The following FAT1 variants were observed in gnomAD, a reference collection of about 807,000 sequenced individuals.
The protein encoded by FAT1 is FAT atypical cadherin 1, also known as protocadherin Fat 1.
In FAT1, 171 loss-of-function variants were observed where a neutral mutation model predicts 329.8. The ratio of observed to expected loss-of-function variants is 0.52; its 90% CI spans 0.46 to 0.59. FAT1 has a LOEUF of 0.59. Among genes scored for constraint, FAT1 ranks in the 20% least tolerant of loss-of-function variants. The pLI is 0.00. For missense variants in FAT1, 5,672 were observed against 5,774.4 expected, an observed-to-expected ratio of 0.98 and a Z score of 0.57; for synonymous variants, 2,233 against 2,228.6, an observed-to-expected ratio of 1.00 and a Z score of -0.06.
chr4:186,620,246 C>T lies in FAT1; in HGVS notation c.6340G>A (p.Gly2114Arg), dbSNP rs750909160. ...TAVDRDSGRN[G>R]EVHYYLKEHH... is the part of the protein sequence containing the mutation. ...TCCTTGAGGTAGTAATGCACTTCCC[C>T]GTTTCTGCCACTGTCTCTGTCTACA... is the stretch of plus-strand genomic sequence containing the variant. The change falls in exon 10 of 27, where the codon GGG becomes AGG. Residue 2114 changes from glycine (G) to arginine (R), a missense_variant. Gly to Arg is a moderately radical substitution (Grantham distance 125). Around this residue, in one of 2 missense-constraint regions of FAT1, gnomAD observed 3,966 missense variants for 3,915.2 expected, o/e 1.01. Transcript: ENST00000441802. The T allele has an allele frequency of 2.4e-5, 38 of 1,613,878 alleles. 2 individuals are homozygous for T. The South Asian group carries it at 2.9e-4, about 12-fold the overall frequency.
chr4:186,724,054 G>C (rs1230117668), upstream of FAT1, among the ~76,000 whole-genome samples: 2 of 151,762 alleles, frequency 1.3e-5, no homozygotes, highest in Non-Finnish European at 1.5e-5. This position sits in a 1 kb window ranked among gnomAD's most constrained non-coding sequence, Gnocchi z 5.3. Flanking sequence ...AAGGCGCCCA[G>C]CGGGGTCTAG....
In FAT1 at chr4:186,600,346, C is replaced by T. The variant is rs753661905; in HGVS notation, c.11655G>A (p.Arg3885=). The stretch of plus-strand genomic sequence containing the variant: ...TTCCACAGTCAAACTTGTACTGCAG[C>T]CTTCCATGATGAATCTAGGATAAAA... ...DYSILEIHHG[R]LQYKFDCGSG... The change falls in exon 22 of 27, where the codon AGG becomes AGA. Residue 3885 remains arginine (R), a synonymous_variant. Coordinates refer to ENST00000441802, the MANE Select transcript of FAT1 (RefSeq NM_005245.4). The T allele has an allele frequency of 2.2e-5, 36 of 1,611,420 alleles. No individual in the cohort carries two copies. The highest frequency in any genetic ancestry group is 3.1e-5 in the Non-Finnish European group (36 of 1,178,634).
At chr4:186,608,944 C>A (rs1287663027) in intron 16 of FAT1, among the ~76,000 whole-genome samples, 2 of 152,336 alleles carry the variant, frequency 1.3e-5, no homozygotes, top group African/African-American at 4.8e-5. Context: ...AACACTGGAA[C>A]CAACAGTAAT....
chr4:186,709,047 T>G lies in FAT1; in HGVS notation c.781A>C (p.Thr261Pro), dbSNP rs1744806000. 6.2e-7 allele frequency: 1 copy of G among 1,613,904 alleles called. No individual in the cohort carries two copies. The highest frequency in any genetic ancestry group is 1.7e-5 in the Admixed American group (1 of 60,004). The stretch of plus-strand genomic sequence containing the variant: ...CTGTCCAGTTCTGATGGTGACAATG[T>G]CACTGCTGTTATCACCGGAGCACAT... Reference protein sequence around the residue: ...NECAPVITAVTLSPSELDRDP... With the variant: ...NECAPVITAVPLSPSELDRDP... Residue 261 changes from threonine (T) to proline (P), a missense_variant, in exon 2 of 27, where the codon ACA becomes CCA. Physicochemically the swap from Thr to Pro is conservative, Grantham distance 38 (BLOSUM62 -1). Around this residue, in one of 2 missense-constraint regions of FAT1, gnomAD observed 3,966 missense variants for 3,915.2 expected, o/e 1.01. Transcript: ENST00000441802.
chr4:186,643,737 T>C (rs781308947), intron 3 of FAT1, among the ~76,000 whole-genome samples: 9 of 151,916 alleles, frequency 5.9e-5, no homozygotes, highest in Non-Finnish European at 1.0e-4. Context: ...ACCGAGTGTG[T>C]TCTGTGTTCA....
rs1342571253 is a variant in FAT1, at chr4:186,603,760, A to G, written c.10766T>C (p.Leu3589Pro). The change falls in exon 19 of 27, where the codon CTG (leucine) becomes CCG (proline). Residue 3589 changes from leucine to proline, a missense_variant. Coordinates refer to ENST00000441802, the MANE Select transcript of FAT1 (RefSeq NM_005245.4). The stretch of plus-strand genomic sequence containing the variant: ...GCCCCCTGTGCTGGAAACAGAGAAC[A>G]GGTTGTCCATCTGAGGGTCGAGACT... ...TYSLDPQMDN[L>P]FSVSSTGGKL... 3 of 1,613,926 alleles carry G rather than the reference A, an allele frequency of 1.9e-6. No individual in the cohort carries two copies. Among genetic ancestry groups the G allele is most frequent in the Admixed American group, 1.7e-5 (1 of 60,020 alleles).
chr4:186,685,659 T>C (rs994821506), intron 2 of FAT1, among the ~76,000 whole-genome samples: 2 of 152,246 alleles, frequency 1.3e-5, no homozygotes, highest in Admixed American at 6.5e-5. Flanking sequence ...TATGGTATTC[T>C]ACAATTAAAA....
At chr4:186,594,513 A>G (rs895695137) in intron 26 of FAT1, among the ~76,000 whole-genome samples, 3 of 151,340 alleles carry the variant, frequency 2.0e-5, no homozygotes, top group African/African-American at 7.3e-5. Flanking sequence ...TAGAATTAAA[A>G]TTGATAAAAG....
chr4:186,611,827 CT>C lies in FAT1; in HGVS notation c.9464-53del, dbSNP rs753961493. The C allele has an allele frequency of 0.15, 163,978 of 1,068,306 alleles. 51 individuals are homozygous for C. Among genetic ancestry groups the C allele is most frequent in the South Asian group, 0.19 (9,878 of 51,914 alleles). The allele number at this position is 1,068,306 out of a possible 1,614,324, so 66.2% of individuals were successfully genotyped here. A position where few individuals can be genotyped will look rare whatever the true frequency, so the allele number is the denominator to read the frequency against. ...AGATTTTAAATAAAAAAGTTTAACA[CT>C]TTTTTTTTTTTTTGAGATGGAGTCT... On this transcript the variant is annotated intron_variant, in intron 13 of 26. Coordinates refer to ENST00000441802, the MANE Select transcript of FAT1 (RefSeq NM_005245.4).
intron 3 of FAT1, among the ~76,000 whole-genome samples, chr4:186,644,723 C>A (rs1368130499): frequency 6.6e-6 from 1 of 152,178 alleles, no homozygotes; most frequent in Non-Finnish European, 1.5e-5. Flanking sequence ...AAATCAGTAA[C>A]AAAACCATCT....
Position 186,600,340 on chromosome 4 carries a change from C to G in FAT1, c.11661G>C (p.Gln3887His), listed in dbSNP as rs1440239062. Residue 3887 changes from glutamine (Q) to histidine (H), a missense_variant, in exon 22 of 27, where the codon CAG becomes CAC. Around this residue, in one of 2 missense-constraint regions of FAT1, gnomAD observed 1,706 missense variants for 1,859.1 expected, o/e 0.92. Transcript: ENST00000441802. Reference sequence around the variant, plus strand: ...GGCCACTTCCACAGTCAAACTTGTACTGCAGCCTTCCATGATGAATCTAGG... The same window carrying G: ...GGCCACTTCCACAGTCAAACTTGTAGTGCAGCCTTCCATGATGAATCTAGG... ...SILEIHHGRL[Q>H]YKFDCGSGPG... The G allele has an allele frequency of 3.7e-6, 6 of 1,612,206 alleles. No individual in the cohort carries two copies. The highest frequency in any genetic ancestry group is 5.1e-6 in the Non-Finnish European group (6 of 1,179,036).
chr4:186,620,790 C>T lies in FAT1; in HGVS notation c.5796G>A (p.Lys1932=), dbSNP rs1740003364. ...TGTTTTGGACAGTGAGAGCACCAGT[C>T]TTGTAGTCCATAGAAAACTTCTCCC... ...NIGEKFSMDY[K]TGALTVQNTT... is the part of the protein sequence containing the mutation. The change falls in exon 10 of 27, where the codon AAG becomes AAA. Residue 1932 remains lysine (K), a synonymous_variant. Coordinates refer to ENST00000441802, the MANE Select transcript of FAT1 (RefSeq NM_005245.4). The T allele has an allele frequency of 6.2e-7, 1 of 1,613,892 alleles. No individual in the cohort carries two copies. The highest frequency in any genetic ancestry group is 8.5e-7 in the Non-Finnish European group (1 of 1,179,902).
Position 186,601,635 on chromosome 4 carries a change from T to C in FAT1, c.11483-209A>G, listed in dbSNP as rs767168. 0.57 allele frequency: 242,080 copies of C among 422,240 alleles called. 71,884 individuals carry two copies. Among genetic ancestry groups the C allele is most frequent in the African/African-American group, 0.8 (41,181 of 51,176 alleles). The allele number at this position is 422,240 out of a possible 1,614,324, so 26.2% of individuals were successfully genotyped here. ...GTTTGGAAAGAATAAATTTGACGAC[T>C]GCATCACAGAGAAATGAATTCTAAA... On this transcript the variant is annotated intron_variant, in intron 20 of 26. Coordinates refer to ENST00000441802, the MANE Select transcript of FAT1 (RefSeq NM_005245.4).
intron 4 of FAT1, among the ~76,000 whole-genome samples, chr4:186,637,731 TA>T (rs1341953661): frequency 3.9e-5 from 6 of 152,190 alleles, no homozygotes; most frequent in Non-Finnish European, 8.8e-5. Flanking sequence ...TAGTAATGCT[TA>T]TTCTCCCCTA....
At chr4:186,682,526 C>CCAAAAAAAAAAAAA (rs1743267537) in intron 2 of FAT1, among the ~76,000 whole-genome samples, 1 of 119,706 alleles carries the variant, frequency 8.4e-6, no homozygotes, top group Non-Finnish European at 1.6e-5. Flanking sequence ...GACTCTGTCT[C>CCAAAAAAAAAAAAA]AAAAAAAAAA....
chr4:186,622,843 T>C (rs1159950670), intron 9 of FAT1, among the ~76,000 whole-genome samples: 2 of 152,166 alleles, frequency 1.3e-5, no homozygotes, highest in African/African-American at 4.8e-5. Context: ...GAATTTATTT[T>C]CCCCAAATGA....
At position 186,589,089 on chromosome 4, in the gene FAT1, A is replaced by T. The variant is rs1238824270; in HGVS notation, c.13270T>A (p.Tyr4424Asn). The T allele has an allele frequency of 6.2e-7, 1 of 1,613,926 alleles. No individual in the cohort carries two copies. Among genetic ancestry groups the T allele is most frequent in the Non-Finnish European group, 8.5e-7 (1 of 1,179,884 alleles). The change falls in exon 27 of 27, where the codon TAT becomes AAT. Residue 4424 changes from tyrosine to asparagine, a missense_variant. Around this residue, in one of 2 missense-constraint regions of FAT1, gnomAD observed 1,706 missense variants for 1,859.1 expected, o/e 0.92. Coordinates refer to ENST00000441802, the MANE Select transcript of FAT1 (RefSeq NM_005245.4). ...SADPNAIDTD[Y>N]YPGGYDIESD... ...TCGATGTCGTAGCCTCCAGGGTAATAGTCCGTATCGATGGCGTTTGGATCT... is the reference window on the plus strand; with the variant it reads ...TCGATGTCGTAGCCTCCAGGGTAATTGTCCGTATCGATGGCGTTTGGATCT...
Position 186,597,259 on chromosome 4 carries a change from C to T in FAT1, c.12369-88G>A, listed in dbSNP as rs1166791455. The T allele has an allele frequency of 3.7e-6, 5 of 1,337,742 alleles. No individual in the cohort carries two copies. The Admixed American group carries it at 1.4e-4, about 38-fold the overall frequency. The allele number at this position is 1,337,742 out of a possible 1,614,324, so 82.9% of individuals were successfully genotyped here. On this transcript the variant is annotated intron_variant, in intron 24 of 26. Transcript: ENST00000441802. ...AATCCTTAGAGACTGAAGACTAATC[C>T]CTCCTTGATGAGCTATGTGAAGATC... is the stretch of plus-strand genomic sequence containing the variant.
rs150813156 is a variant in FAT1, at chr4:186,615,609, G to A, written c.9076-1265C>T. Among the ~76,000 whole-genome samples, 6 of 152,024 alleles carry A rather than the reference G, an allele frequency of 3.9e-5. No individual in the cohort carries two copies. In the East Asian group the frequency reaches 9.7e-4, roughly 25 times the overall value. The stretch of plus-strand genomic sequence containing the variant: ...AAGACCGCCACCTACACAGCATCAC[G>A]GGACCCAAATGGTCTGTTTCGCATC... On this transcript the variant is annotated intron_variant, in intron 11 of 26. Coordinates refer to ENST00000441802, the MANE Select transcript of FAT1 (RefSeq NM_005245.4).
Sources: gnomAD v4.1 joint callset for allele counts (sites outside exome capture counted in the v4.1 genomes callset) on GRCh38, gnomAD v4.1.1 for gene constraint, gnomAD v4.1.1 regional missense constraint, Gnocchi (gnomAD v3.1) non-coding constraint, MANE v1.5 for transcripts, NCBI Gene and HGNC (gene_info 2026-07-23, HGNC 2026-07-21) for gene names.